The following LRRTM4 variants were observed in gnomAD, a reference collection of about 807,000 sequenced individuals.
LRRTM4 encodes leucine-rich repeat transmembrane neuronal protein 4.
In LRRTM4, 25 loss-of-function variants were observed where a neutral mutation model predicts 47.6. The ratio of observed to expected loss-of-function variants is 0.53; its 90% CI spans 0.38 to 0.73. The LOEUF (loss-of-function observed/expected upper bound fraction) is 0.73. Among genes scored for constraint, LRRTM4 ranks in the 30% least tolerant of loss-of-function variants. LRRTM4 has a pLI of 0.00. For missense variants in LRRTM4, 638 were observed against 713.4 expected, an observed-to-expected ratio of 0.89 and a Z score of 1.20; for synonymous variants, 311 against 269.5, an observed-to-expected ratio of 1.15 and a Z score of -1.51.
chr2:77,147,633 A>G (rs1458474096), intron 3 of LRRTM4, among the ~76,000 whole-genome samples: 1 of 152,210 alleles, frequency 6.6e-6, no homozygotes, highest in African/African-American at 2.4e-5. Context: ...TGACTCCGTC[A>G]TACTGCTGCA....
chr2:76,775,867 A>T (rs1054005281), intron 3 of LRRTM4, among the ~76,000 whole-genome samples: 3 of 152,048 alleles, frequency 2.0e-5, no homozygotes, highest in Non-Finnish European at 4.4e-5. Context: ...CTAACTCGTC[A>T]TCTAGCATTA....
intron 3 of LRRTM4, among the ~76,000 whole-genome samples, chr2:76,856,781 A>G (rs1166627052): frequency 6.6e-6 from 1 of 152,108 alleles, no homozygotes; most frequent in Non-Finnish European, 1.5e-5. Flanking sequence ...GGTGTTTTGT[A>G]AAAAAGAAAA....
At chr2:77,083,603 T>C (rs1005910502) in intron 3 of LRRTM4, among the ~76,000 whole-genome samples, 2 of 152,002 alleles carry the variant, frequency 1.3e-5, no homozygotes, top group Non-Finnish European at 2.9e-5. Context: ...GTACTGTAGC[T>C]AGTCCTGGAA....
intron 3 of LRRTM4, among the ~76,000 whole-genome samples, chr2:77,161,226 A>T (rs1672719880): frequency 6.6e-6 from 1 of 152,132 alleles, no homozygotes; most frequent in African/African-American, 2.4e-5. Context: ...GGTCTTTGAG[A>T]TAGTTTTCTA....
At chr2:77,332,611 CA>C (rs1671011592) in intron 3 of LRRTM4, among the ~76,000 whole-genome samples, 1 of 152,112 alleles carries the variant, frequency 6.6e-6, no homozygotes, top group Admixed American at 6.5e-5. Context: ...AGAGATCAAT[CA>C]GAGAATAATC....
chr2:76,809,468 A>G (rs1670663350), intron 3 of LRRTM4, among the ~76,000 whole-genome samples: 3 of 152,076 alleles, frequency 2.0e-5, no homozygotes, highest in South Asian at 4.1e-4. Flanking sequence ...ACTACATCCA[A>G]TTCTCAGAAA....
intron 3 of LRRTM4, among the ~76,000 whole-genome samples, chr2:77,085,745 T>G (rs1355566018): frequency 6.6e-6 from 1 of 152,230 alleles, no homozygotes; most frequent in East Asian, 1.9e-4. Context: ...CTCTTTTCAG[T>G]ATTGTGTACA....
intron 3 of LRRTM4, among the ~76,000 whole-genome samples, chr2:76,762,082 T>A (rs1301586611): frequency 6.6e-6 from 1 of 152,190 alleles, no homozygotes; most frequent in Non-Finnish European, 1.5e-5. Context: ...CCGCTACCCA[T>A]GCCAAAGATC....
chr2:77,464,855 ATTGT>A (rs1676924268), intron 3 of LRRTM4, among the ~76,000 whole-genome samples: 1 of 152,178 alleles, frequency 6.6e-6, no homozygotes, highest in Non-Finnish European at 1.5e-5. Flanking sequence ...AAAAATCAGC[ATTGT>A]TTAACAAGCT....
intron 3 of LRRTM4, chr2:77,009,409 A>T: frequency 6.6e-6 from 1 of 152,132 alleles, no homozygotes; most frequent in Non-Finnish European, 1.5e-5. Context: ...GAATTTCAAA[A>T]GCGATTACAA....
chr2:77,167,723 G>A (rs1573031062), intron 3 of LRRTM4, among the ~76,000 whole-genome samples: 1 of 152,106 alleles, frequency 6.6e-6, no homozygotes, highest in African/African-American at 2.4e-5. Context: ...AACACTGCAT[G>A]TTCTCACTCA....
At chr2:76,786,466 TA>T (rs1276632625) in intron 3 of LRRTM4, among the ~76,000 whole-genome samples, 3 of 152,112 alleles carry the variant, frequency 2.0e-5, no homozygotes, top group Non-Finnish European at 2.9e-5. Flanking sequence ...CATAGAACTC[TA>T]AAAAAACAGT....
chr2:77,267,961 A>G (rs1022188453), intron 3 of LRRTM4, among the ~76,000 whole-genome samples: 1 of 152,136 alleles, frequency 6.6e-6, no homozygotes, highest in Non-Finnish European at 1.5e-5. Flanking sequence ...TTTCCTTTAT[A>G]CATCTCTGGC....
At chr2:76,909,999 T>C (rs1411427808) in intron 3 of LRRTM4, among the ~76,000 whole-genome samples, 4 of 152,168 alleles carry the variant, frequency 2.6e-5, no homozygotes, top group Non-Finnish European at 4.4e-5. Flanking sequence ...TTACTGCGTA[T>C]ATACCCAAAG....
intron 3 of LRRTM4, among the ~76,000 whole-genome samples, chr2:76,862,351 C>G (rs372191610): frequency 6.6e-6 from 1 of 152,272 alleles, no homozygotes; most frequent in South Asian, 2.1e-4. Flanking sequence ...AAAATGCTAT[C>G]TTCAAGACCT....
intron 3 of LRRTM4, among the ~76,000 whole-genome samples, chr2:77,491,387 A>C (rs980961988): frequency 6.6e-6 from 1 of 152,092 alleles, no homozygotes; most frequent in Admixed American, 6.6e-5. Context: ...GAAATTAGAA[A>C]TGTCCCTGAG....
At chr2:76,804,746 TATCA>T (rs201085499) in intron 3 of LRRTM4, among the ~76,000 whole-genome samples, 17,352 of 147,866 alleles carry the variant, frequency 0.12, 1,322 homozygotes, top group Admixed American at 0.2. Flanking sequence ...TTTATATATA[TATCA>T]TTGTTTTATA....
At chr2:77,202,309 A>G (rs1336109946) in intron 3 of LRRTM4, among the ~76,000 whole-genome samples, 1 of 152,268 alleles carries the variant, frequency 6.6e-6, no homozygotes, top group East Asian at 1.9e-4. Flanking sequence ...ATTAGCTGAA[A>G]TAGGAAAAAA....
intron 3 of LRRTM4, among the ~76,000 whole-genome samples, chr2:77,205,905 G>A (rs1185592310): frequency 1.3e-4 from 19 of 148,192 alleles, no homozygotes; most frequent in Admixed American, 1.1e-3. Flanking sequence ...GCAGGAACTC[G>A]GCCCACTGCA....
Sources: allele counts gnomAD v4.1 joint callset (sites outside exome capture counted in the v4.1 genomes callset), GRCh38; gene constraint gnomAD v4.1.1; transcripts MANE v1.5; gene names NCBI Gene and HGNC (gene_info 2026-07-23, HGNC 2026-07-21).